HMCN2: variants seen among roughly 807,000 people sequenced by gnomAD.
HMCN2 encodes hemicentin 2, also known as hemicentin-2.
A neutral mutation model predicts 377.5 loss-of-function variants in HMCN2; 325 were observed. The ratio of observed to expected loss-of-function variants is 0.86; its 90% CI spans 0.79 to 0.94. The LOEUF (loss-of-function observed/expected upper bound fraction) is 0.94, where lower values mean the gene tolerates loss of function less well. HMCN2 is among the 40% of genes least tolerant of loss of function. The pLI, the probability that HMCN2 is intolerant of heterozygous loss-of-function variation, is 0.00. For synonymous variants in HMCN2, 2,007 were observed against 2,046.8 expected (o/e 0.98, Z 0.53); for missense variants, 4,543 against 4,725.3 (o/e 0.96, Z 1.13).
At chr9:130,380,022 T>C (rs1307044794) in intron 54 of HMCN2, among the ~76,000 whole-genome samples, 1 of 152,146 alleles carries the variant, frequency 6.6e-6, no homozygotes, top group Non-Finnish European at 1.5e-5. Context: ...ATTACAGGCA[T>C]GCGCCACCAC....
At chr9:130,366,646 G>A (rs1840704081) in intron 43 of HMCN2, among the ~76,000 whole-genome samples, 1 of 151,826 alleles carries the variant, frequency 6.6e-6, no homozygotes, top group Admixed American at 6.6e-5. Context: ...TAGAGACAGG[G>A]TTTCACCATG....
chr9:130,418,277 A>C (rs1446801320), intron 85 of HMCN2, among the ~76,000 whole-genome samples: 1 of 152,132 alleles, frequency 6.6e-6, no homozygotes, highest in East Asian at 1.9e-4. Context: ...ATAAAAGCAG[A>C]TGGCCGGGCG....
In HMCN2 at chr9:130,304,128, G is replaced by A. The variant is rs1836701451; in HGVS notation, c.1543+520G>A. The stretch of plus-strand genomic sequence containing the variant: ...AACTACACATGCTCTTTGTAGGAAA[G>A]CTGGAAAAATATAAACAACCCAAGA... On this transcript the variant is annotated intron_variant, in intron 10 of 97. Transcript: ENST00000683500. This position sits in a 1 kb window ranked among gnomAD's most constrained non-coding sequence, Gnocchi z 4.3. Among the ~76,000 whole-genome samples the A allele has an allele frequency of 6.6e-6, 1 of 152,210 alleles. No individual in the cohort carries two copies. Among genetic ancestry groups the A allele is most frequent in the Admixed American group, 6.5e-5 (1 of 15,282 alleles).
rs1380826838 is a variant in HMCN2, at chr9:130,371,114, A to T, written c.7220A>T (p.Asp2407Val). ...GAGGAGCCTGTCAGCCCCGGGGAGGACACCTACCTGCTGGCAGGTAAGATA... is the reference window on the plus strand; with the variant it reads ...GAGGAGCCTGTCAGCCCCGGGGAGGTCACCTACCTGCTGGCAGGTAAGATA... ...RGEEPVSPGE[D>V]TYLLAGGWML... is the part of the protein sequence containing the mutation. The change falls in exon 46 of 98, where the codon GAC becomes GTC. Residue 2407 changes from aspartate (D) to valine (V), a missense_variant. Coordinates refer to ENST00000683500, the MANE Select transcript of HMCN2 (RefSeq NM_001291815.2). 1.0e-6 allele frequency: 1 copy of T among 985,760 alleles called. No homozygotes were observed. Among genetic ancestry groups the T allele is most frequent in the Middle Eastern group, 5.2e-4 (1 of 1,936 alleles). The allele number at this position is 985,760 out of a possible 1,614,324, so 61.1% of individuals were successfully genotyped here. A position where few individuals can be genotyped will look rare whatever the true frequency, so the allele number is the denominator to read the frequency against.
rs977143350 is a variant in HMCN2 at position 130,397,582 on chromosome 9, C to T, written c.11253C>T (p.Asp3751=). The T allele has an allele frequency of 2.1e-5, 27 of 1,289,718 alleles. No individual in the cohort carries two copies. Among genetic ancestry groups the T allele is most frequent in the East Asian group, 1.1e-4 (2 of 18,032 alleles). The allele number at this position is 1,289,718 out of a possible 1,614,324, so 79.9% of individuals were successfully genotyped here. A position where few individuals can be genotyped will look rare whatever the true frequency, so the allele number is the denominator to read the frequency against. The change falls in exon 74 of 98, where the codon GAC becomes GAT. Residue 3751 remains aspartate (D), a synonymous_variant. Coordinates refer to ENST00000683500, the MANE Select transcript of HMCN2 (RefSeq NM_001291815.2). ...GAATCCAGCCAGTCCTTGCCCAGGACGCCGGCCACTACCTCTGCCTGGCAT... is the reference window on the plus strand; with the variant it reads ...GAATCCAGCCAGTCCTTGCCCAGGATGCCGGCCACTACCTCTGCCTGGCAT... ...SLRIQPVLAQ[D]AGHYLCLASN...
chr9:130,403,144 A>C (rs1438264867), intron 78 of HMCN2, 50 bp from the exon 79 acceptor site: 3 of 1,260,638 alleles, frequency 2.4e-6, no homozygotes, highest in Non-Finnish European at 3.1e-6. Context: ...TGGTTGGAGG[A>C]GTTGTGTTAA....
In HMCN2 at chr9:130,383,531, G is replaced by T; in HGVS notation, c.8761G>T (p.Ala2921Ser). The change falls in exon 57 of 98, where the codon GCC becomes TCC. Residue 2921 changes from alanine to serine, a missense_variant. This residue lies in a region of HMCN2 where 736 missense variants were observed against 773.2 expected (regional missense o/e 0.95). Transcript: ENST00000683500. ...QVSTAEVADA[A>S]SYMCVAENQA... ...TTCCACGGCAGAGGTGGCCGACGCC[G>T]CCAGCTACATGTGTGTGGCCGAGAA... is the stretch of plus-strand genomic sequence containing the variant. 2.0e-6 allele frequency: 2 copies of T among 986,096 alleles called. No individual in the cohort carries two copies. The highest frequency in any genetic ancestry group is 2.4e-6 in the Non-Finnish European group (2 of 830,088). The allele number at this position is 986,096 out of a possible 1,614,324, so 61.1% of individuals were successfully genotyped here. A position where few individuals can be genotyped will look rare whatever the true frequency, so the allele number is the denominator to read the frequency against.
chr9:130,424,421 C>T (rs1844208514), intron 87 of HMCN2, among the ~76,000 whole-genome samples: 2 of 151,568 alleles, frequency 1.3e-5, no homozygotes, highest in East Asian at 1.9e-4. Context: ...CTCCTGACCT[C>T]GTGATCTGAC....
intron 21 of HMCN2, among the ~76,000 whole-genome samples, chr9:130,327,080 G>C (rs1838175098): frequency 6.6e-6 from 1 of 152,120 alleles, no homozygotes; most frequent in African/African-American, 2.4e-5. Context: ...AGAGCAAGGT[G>C]GTGGTGGGGA....
In HMCN2 at chr9:130,277,994, TCAC is replaced by T. The variant is rs1262712851; in HGVS notation, c.260-6597_260-6595del. Among the ~76,000 whole-genome samples, 11 of 41,352 alleles carry T rather than the reference TCAC, an allele frequency of 2.7e-4. 2 individuals carry two copies. Among genetic ancestry groups the T allele is most frequent in the South Asian group, 8.4e-4 (1 of 1,188 alleles). The allele number at this position is 41,352 out of a possible 152,430, so 27.1% of individuals were successfully genotyped here. ...ATCATCATCACCACCACCACGATCA[TCAC>T]CACCACCACCATCATCATCACCACC... On this transcript the variant is annotated intron_variant, in intron 1 of 97. Coordinates refer to ENST00000683500, the MANE Select transcript of HMCN2 (RefSeq NM_001291815.2).
intron 24 of HMCN2, among the ~76,000 whole-genome samples, chr9:130,342,016 T>TAAATAAAA (rs1448167054): frequency 8.3e-6 from 1 of 120,550 alleles, no homozygotes; most frequent in Non-Finnish European, 1.8e-5. Context: ...TCTCTTAAAA[T>TAAATAAAA]AAATAAATAA....
In HMCN2 at chr9:130,428,246, T is replaced by A; in HGVS notation, c.14066-112T>A. The A allele has an allele frequency of 7.8e-7, 1 of 1,283,820 alleles. No homozygotes were observed. The highest frequency in any genetic ancestry group is 1.0e-6 in the Non-Finnish European group (1 of 967,252). 79.5% of individuals were successfully genotyped at this position (1,283,820 alleles called of 1,614,324 possible). A position where few individuals can be genotyped will look rare whatever the true frequency, so the allele number is the denominator to read the frequency against. On this transcript the variant is annotated intron_variant, in intron 92 of 97. Transcript: ENST00000683500. The surrounding 1 kb of genome is among the most constrained non-coding windows in gnomAD (Gnocchi z 5.0). ...GAAGGGGTGGGGACCTTCCTGCCAG[T>A]GGCTCCTGGGCCTGCGGACGAAGCC...
chr9:130,382,581 G>A (rs896860364), intron 55 of HMCN2, 98 bp from the exon 56 acceptor site: 13 of 340,446 alleles, frequency 3.8e-5, no homozygotes, highest in African/African-American at 2.2e-4. Context: ...TGAGGATCCC[G>A]ACCAGCACCT....
intron 1 of HMCN2, among the ~76,000 whole-genome samples, chr9:130,279,667 G>A (rs574040281): frequency 4.1e-4 from 63 of 152,168 alleles, no homozygotes; most frequent in Admixed American, 2.4e-3. Context: ...ACATTGTTAT[G>A]TTTGGCACAT....
chr9:130,372,628 A>G (rs1260005287), intron 47 of HMCN2, among the ~76,000 whole-genome samples: 3 of 152,184 alleles, frequency 2.0e-5, no homozygotes, highest in Admixed American at 2.0e-4. Flanking sequence ...TACAAAAATT[A>G]ACAGGGCATG....
intron 8 of HMCN2, among the ~76,000 whole-genome samples, chr9:130,302,248 A>T (rs889625728): frequency 7.2e-5 from 11 of 152,114 alleles, no homozygotes; most frequent in Middle Eastern, 3.2e-3. Flanking sequence ...GGGTTTCACC[A>T]TGTTGGCCAG....
rs1454254469 is a variant in HMCN2, at chr9:130,272,929, T to C, written c.259+6792T>C. On this transcript the variant is annotated intron_variant, in intron 1 of 97. Coordinates refer to ENST00000683500, the MANE Select transcript of HMCN2 (RefSeq NM_001291815.2). ...AGAATTTTATCTTTTAGATGACATG[T>C]AGAAAAACTTGTCAACTTCCAAAAA... Among the ~76,000 whole-genome samples the C allele has an allele frequency of 3.3e-5, 5 of 152,264 alleles. No homozygotes were observed. The East Asian group carries it at 7.7e-4, about 23-fold the overall frequency.
In HMCN2 at chr9:130,327,391, C is replaced by T. The variant is rs1041286506; in HGVS notation, c.3275C>T (p.Thr1092Ile). 1 of 152,362 alleles carries T rather than the reference C, an allele frequency of 6.6e-6. No individual in the cohort carries two copies. Among genetic ancestry groups the T allele is most frequent in the Non-Finnish European group, 1.5e-5 (1 of 68,158 alleles). The allele number at this position is 152,362 out of a possible 1,614,324, so 9.4% of individuals were successfully genotyped here. The change falls in exon 22 of 98, where the codon ACC (threonine) becomes ATC (isoleucine). Residue 1092 changes from threonine to isoleucine, a missense_variant. By Grantham distance (89) the Thr-to-Ile change is moderately conservative. Around this residue, in one of 5 missense-constraint regions of HMCN2, gnomAD observed 547 missense variants for 189.9 expected, o/e 2.88. Transcript: ENST00000683500. The part of the protein sequence containing the change: ...QVTAKAGEEV[T>I]LDCEAKGSPP... The stretch of plus-strand genomic sequence containing the variant: ...ACAGCGAAGGCTGGCGAAGAGGTGA[C>T]CCTGGACTGCGAGGCCAAGGGCTCC...
chr9:130,357,058 GAGGA>G lies in HMCN2; in HGVS notation c.5426-775_5426-772del, dbSNP rs1330390335. Among the ~76,000 whole-genome samples the G allele has an allele frequency of 3.3e-4, 44 of 134,288 alleles. No homozygotes were observed. In the East Asian group the frequency reaches 3.9e-3, roughly 12 times the overall value. 88.1% of individuals were successfully genotyped at this position (134,288 alleles called of 152,430 possible). On this transcript the variant is annotated intron_variant, in intron 34 of 97. Transcript: ENST00000683500. ...GATGAATGGGTGGACAGATAGAAGG[GAGGA>G]TGGATGGATGGATGGATGGATGGAT...
Sources: allele counts gnomAD v4.1 joint callset (sites outside exome capture counted in the v4.1 genomes callset), GRCh38; gene constraint gnomAD v4.1.1; regional missense constraint gnomAD v4.1.1; non-coding constraint Gnocchi (gnomAD v3.1); transcripts MANE v1.5; gene names NCBI Gene and HGNC (gene_info 2026-07-23, HGNC 2026-07-21).